PLA2G12A: variants seen among roughly 807,000 people sequenced by gnomAD.
The protein encoded by PLA2G12A is group XIIA secretory phospholipase A2.
Under a neutral mutation model 16.0 loss-of-function variants are expected in PLA2G12A, and 11 were observed. The ratio of observed to expected loss-of-function variants is 0.69; its 90% confidence interval spans 0.43 to 1.13. The LOEUF is 1.13. Ranked by LOEUF, PLA2G12A falls within the 50% of genes most tolerant of loss-of-function variation. The pLI is 0.00. For missense variants in PLA2G12A, 214 were observed against 237.3 expected, an observed-to-expected ratio of 0.90 and a Z score of 0.65; for synonymous variants, 77 against 93.8, an observed-to-expected ratio of 0.82 and a Z score of 1.03.
Position 109,716,180 on chromosome 4 carries a change from G to T in PLA2G12A, c.451+1368C>A, listed in dbSNP as rs531751004. Among the ~76,000 whole-genome samples, 8 of 152,324 alleles carry T rather than the reference G, an allele frequency of 5.3e-5. No homozygotes were observed. The South Asian group carries it at 1.4e-3, about 28-fold the overall frequency. On this transcript the variant is annotated intron_variant, in intron 3 of 3. Coordinates refer to ENST00000243501, the MANE Select transcript of PLA2G12A (RefSeq NM_030821.5). ...CCAAAAGCTGCAAAGGGATACAGAGGCTGTGAATTCAAGATTACCTGCAGC... is the reference window on the plus strand; with the variant it reads ...CCAAAAGCTGCAAAGGGATACAGAGTCTGTGAATTCAAGATTACCTGCAGC...
Position 109,720,588 on chromosome 4 carries a change from AAAAAAAAAAAAAAAAAATATATATATAT to A in PLA2G12A, c.209-1857_209-1830del, listed in dbSNP as rs1246913811. On this transcript the variant is annotated intron_variant, in intron 1 of 3. Coordinates refer to ENST00000243501, the MANE Select transcript of PLA2G12A (RefSeq NM_030821.5). ...CTGTCTGTATTCAAAAAAAAAAAAA[AAAAAAAAAAAAAAAAAATATATATATAT>A]ATATATATATATATATATATATATA... 3.9e-3 allele frequency among the ~76,000 whole-genome samples: 255 copies of A among 65,348 alleles called. 8 individuals carry two copies. Among genetic ancestry groups the A allele is most frequent in the Admixed American group, 0.028 (144 of 5,104 alleles). The allele number at this position is 65,348 out of a possible 152,430, so 42.9% of individuals were successfully genotyped here. A position where few individuals can be genotyped will look rare whatever the true frequency, so the allele number is the denominator to read the frequency against.
At chr4:109,721,920 CTCCACTACTACCAA>C (rs1021606097) in intron 1 of PLA2G12A, among the ~76,000 whole-genome samples, 7 of 152,204 alleles carry the variant, frequency 4.6e-5, no homozygotes, top group Non-Finnish European at 8.8e-5. Flanking sequence ...TTCTTACCAC[CTCCACTACTACCAA>C]TCCTGCTCCA....
chr4:109,728,292 G>A (rs1722978919), intron 1 of PLA2G12A, among the ~76,000 whole-genome samples: 1 of 151,564 alleles, frequency 6.6e-6, no homozygotes. Context: ...TCCACGGACA[G>A]AGATTTTTGT....
At position 109,714,215 on chromosome 4, in the gene PLA2G12A, A is replaced by G; in HGVS notation, c.*162T>C. 1 of 649,656 alleles carries G rather than the reference A, an allele frequency of 1.5e-6. No homozygotes were observed. The highest frequency in any genetic ancestry group is 2.7e-6 in the Non-Finnish European group (1 of 365,300). 40.2% of individuals were successfully genotyped at this position (649,656 alleles called of 1,614,324 possible). On this transcript the variant is annotated 3_prime_UTR_variant, in exon 4 of 4. Transcript: ENST00000243501. ...GTGCCCTCCCCTCACTATCTCCCTC[A>G]CTTTTTTTGCTTTGAGGTTTTAACA...
intron 1 of PLA2G12A, 57 bp from the exon 2 acceptor site, chr4:109,718,816 TACTC>T: frequency 2.4e-6 from 3 of 1,230,158 alleles, no homozygotes; most frequent in Non-Finnish European, 3.4e-6. Flanking sequence ...GTAAAATACA[TACTC>T]AAAAAGGTCA....
rs771545910 is a variant in PLA2G12A, at chr4:109,714,139, G to C, written c.*238C>G. On this transcript the variant is annotated 3_prime_UTR_variant, in exon 4 of 4. Transcript: ENST00000243501. ...GTTTTTGATATTGGTCAAGACATTT[G>C]GCATACTAAGTAAGGGAGCAATGCT... The C allele has an allele frequency of 2.4e-5, 11 of 457,456 alleles. No homozygotes were observed. Among genetic ancestry groups the C allele is most frequent in the Non-Finnish European group, 4.0e-5 (10 of 252,820 alleles). The allele number at this position is 457,456 out of a possible 1,614,324, so 28.3% of individuals were successfully genotyped here. A position where few individuals can be genotyped will look rare whatever the true frequency, so the allele number is the denominator to read the frequency against.
chr4:109,726,883 G>A (rs1460437922), intron 1 of PLA2G12A, among the ~76,000 whole-genome samples: 1 of 151,026 alleles, frequency 6.6e-6, no homozygotes, highest in African/African-American at 2.4e-5. Flanking sequence ...GGTAAAGCAA[G>A]GACATGTGCC....
chr4:109,726,511 T>G (rs1241783990), intron 1 of PLA2G12A, among the ~76,000 whole-genome samples: 2 of 152,186 alleles, frequency 1.3e-5, no homozygotes, highest in East Asian at 3.8e-4. Context: ...ATCACCCGTC[T>G]TTTGTCTGGA....
chr4:109,725,174 T>C lies in PLA2G12A; in HGVS notation c.208+4428A>G, dbSNP rs185624217. On this transcript the variant is annotated intron_variant, in intron 1 of 3. Transcript: ENST00000243501. The stretch of plus-strand genomic sequence containing the variant: ...CCCAATAAATTACCAGATTAAAAAA[T>C]GGGAAACATTCTTTGATGAAATTAA... 9.2e-5 allele frequency among the ~76,000 whole-genome samples: 14 copies of C among 152,244 alleles called. No individual in the cohort carries two copies. The East Asian group carries it at 2.7e-3, about 29-fold the overall frequency.
intron 1 of PLA2G12A, among the ~76,000 whole-genome samples, chr4:109,725,587 A>G (rs1722919390): frequency 6.6e-6 from 1 of 152,258 alleles, no homozygotes; most frequent in Non-Finnish European, 1.5e-5. Flanking sequence ...TCCACTGTGT[A>G]CAACTGCATG....
At chr4:109,717,844 C>A in intron 2 of PLA2G12A, 131 bp from the exon 3 acceptor site, 1 of 899,656 alleles carries the variant, frequency 1.1e-6, no homozygotes, top group Non-Finnish European at 1.7e-6. Flanking sequence ...CCATTTCTGC[C>A]TACAAATATT....
rs573570072 is a variant in PLA2G12A at position 109,711,495 on chromosome 4, T to C, written c.*2882A>G. On this transcript the variant is annotated 3_prime_UTR_variant, in exon 4 of 4. Coordinates refer to ENST00000243501, the MANE Select transcript of PLA2G12A (RefSeq NM_030821.5). ...AAAGGATGGGCACATCAAAGGGACA[T>C]AGTAGCCAACCTGGCAGAACTCCTA... 2.0e-5 allele frequency: 3 copies of C among 152,144 alleles called. No homozygotes were observed. The highest frequency in any genetic ancestry group is 2.4e-5 in the African/African-American group (1 of 41,414). 9.4% of individuals were successfully genotyped at this position (152,144 alleles called of 1,614,324 possible). A position where few individuals can be genotyped will look rare whatever the true frequency, so the allele number is the denominator to read the frequency against.
chr4:109,714,528 C>T, intron 3 of PLA2G12A, 33 bp from the exon 4 acceptor site: 11 of 1,383,748 alleles, frequency 7.9e-6, no homozygotes, highest in Non-Finnish European at 1.1e-5. Flanking sequence ...TACTGTTGGG[C>T]AACTGCATTG....
In PLA2G12A at chr4:109,721,032, T is replaced by C. The variant is rs566096507; in HGVS notation, c.209-2273A>G. Among the ~76,000 whole-genome samples, 11 of 152,174 alleles carry C rather than the reference T, an allele frequency of 7.2e-5. No individual in the cohort carries two copies. In the South Asian group the frequency reaches 1.9e-3, roughly 26 times the overall value. On this transcript the variant is annotated intron_variant, in intron 1 of 3. Transcript: ENST00000243501. ...GTTGTGGTGAGCCGAGATCGTGCCATTGCACTCCAGCCTGGGCAACAAGAG... is the reference window on the plus strand; with the variant it reads ...GTTGTGGTGAGCCGAGATCGTGCCACTGCACTCCAGCCTGGGCAACAAGAG...
intron 1 of PLA2G12A, among the ~76,000 whole-genome samples, chr4:109,725,006 G>C (rs1297677283): frequency 6.6e-6 from 1 of 152,018 alleles, no homozygotes; most frequent in Non-Finnish European, 1.5e-5. Flanking sequence ...TCTTCAGAGA[G>C]GCTTTCCCTG....
intron 1 of PLA2G12A, among the ~76,000 whole-genome samples, chr4:109,726,114 T>A (rs2126168790): frequency 6.6e-6 from 1 of 152,262 alleles, no homozygotes; most frequent in South Asian, 2.1e-4. Context: ...CTACCTGTGT[T>A]CCTATTAACA....
intron 1 of PLA2G12A, among the ~76,000 whole-genome samples, chr4:109,721,202 T>C (rs1257210479): frequency 1.3e-5 from 2 of 152,208 alleles, no homozygotes; most frequent in Non-Finnish European, 2.9e-5. Flanking sequence ...TCTCCAGCCC[T>C]GTCCATAAGG....
intron 1 of PLA2G12A, 130 bp downstream of exon 1, chr4:109,729,472 G>A (rs905328887): frequency 6.1e-6 from 6 of 978,080 alleles, no homozygotes; most frequent in Non-Finnish European, 9.0e-6. Flanking sequence ...TTCTAGCAGT[G>A]GTTAAGTTTT....
Position 109,714,439 on chromosome 4 carries a change from G to C in PLA2G12A, c.508C>G (p.Pro170Ala). The C allele has an allele frequency of 6.2e-7, 1 of 1,614,052 alleles. No individual in the cohort carries two copies. The highest frequency in any genetic ancestry group is 8.5e-7 in the Non-Finnish European group (1 of 1,179,994). Reference sequence around the variant, plus strand: ...GCGGCTCGTTGGCTGTCCAGATATGGTTTACAACCTAAATGTATAACACTG... The same window carrying C: ...GCGGCTCGTTGGCTGTCCAGATATGCTTTACAACCTAAATGTATAACACTG... The part of the protein sequence containing the change: ...FDSVIHLGCK[P>A]YLDSQRAACR... Residue 170 changes from proline (P) to alanine (A), a missense_variant, in exon 4 of 4, where the codon CCA becomes GCA. Coordinates refer to ENST00000243501, the MANE Select transcript of PLA2G12A (RefSeq NM_030821.5).
Sources: allele counts gnomAD v4.1 joint callset (sites outside exome capture counted in the v4.1 genomes callset), GRCh38; gene constraint gnomAD v4.1.1; transcripts MANE v1.5; gene names NCBI Gene and HGNC (gene_info 2026-07-23, HGNC 2026-07-21).